Variants in SHROOM3 observed in about 807,000 individuals in gnomAD.
SHROOM3 encodes the protein shroom family member 3.
In SHROOM3, 47 loss-of-function variants were observed where a neutral mutation model predicts 138.6. The observed-to-expected ratio is 0.34, with a 90% CI of 0.27 to 0.43. The LOEUF (loss-of-function observed/expected upper bound fraction) is 0.43, where lower values mean the gene tolerates loss of function less well. Among genes scored for constraint, SHROOM3 ranks in the 20% least tolerant of loss-of-function variants. The pLI is 1.00. For missense variants in SHROOM3, 2,491 were observed against 2,596.5 expected (o/e 0.96, Z 0.88); for synonymous variants, 1,062 against 1,063.3 (o/e 1.00, Z 0.02).
intron 4 of SHROOM3, among the ~76,000 whole-genome samples, chr4:76,738,473 CA>C (rs1410770943): frequency 1.3e-5 from 2 of 152,164 alleles, no homozygotes; most frequent in Admixed American, 1.3e-4. Flanking sequence ...CAAATCACAT[CA>C]AAGTGCTGCC....
chr4:76,545,093 CT>C (rs900338107), intron 1 of SHROOM3, among the ~76,000 whole-genome samples: 56 of 149,894 alleles, frequency 3.7e-4, no homozygotes, highest in Non-Finnish European at 6.4e-4. Flanking sequence ...TTCTTTTTTT[CT>C]TTTTTTTTTC....
intron 2 of SHROOM3, among the ~76,000 whole-genome samples, chr4:76,696,889 A>C (rs2110110803): frequency 6.6e-6 from 1 of 152,240 alleles, no homozygotes; most frequent in South Asian, 2.1e-4. Context: ...TCAAGGTTCA[A>C]GATGAAAACA....
intron 1 of SHROOM3, among the ~76,000 whole-genome samples, chr4:76,518,857 A>G (rs1442030780): frequency 6.6e-6 from 1 of 152,218 alleles, no homozygotes; most frequent in African/African-American, 2.4e-5. Flanking sequence ...AAAAGAAGAT[A>G]TTTATTGAAC....
At chr4:76,550,895 A>G (rs891173418) in intron 1 of SHROOM3, among the ~76,000 whole-genome samples, 2 of 151,414 alleles carry the variant, frequency 1.3e-5, no homozygotes, top group Non-Finnish European at 2.9e-5. Flanking sequence ...GCTACTGAGG[A>G]GGCTGAGGTG....
At chr4:76,573,281 A>G (rs1733867338) in intron 2 of SHROOM3, among the ~76,000 whole-genome samples, 1 of 151,310 alleles carries the variant, frequency 6.6e-6, no homozygotes, top group Non-Finnish European at 1.5e-5. Context: ...CAAAGTAGGT[A>G]CCCAATTTTA....
chr4:76,722,536 G>C (rs1040976130), intron 3 of SHROOM3, among the ~76,000 whole-genome samples: 18 of 152,134 alleles, frequency 1.2e-4, no homozygotes, highest in African/African-American at 3.9e-4. Context: ...GAGAAGATCA[G>C]AAAACATAAC....
chr4:76,667,634 A>G (rs1339381958), intron 2 of SHROOM3, among the ~76,000 whole-genome samples: 1 of 151,954 alleles, frequency 6.6e-6, no homozygotes, highest in Non-Finnish European at 1.5e-5. Flanking sequence ...TCTTTACAAC[A>G]ATTTGTTTAA....
intron 2 of SHROOM3, among the ~76,000 whole-genome samples, chr4:76,678,698 T>C (rs1472870186): frequency 6.6e-6 from 1 of 152,204 alleles, no homozygotes; most frequent in Non-Finnish European, 1.5e-5. Context: ...CTTGCTTTTG[T>C]TCCTCAGGCT....
chr4:76,555,428 G>A (rs980796436), intron 1 of SHROOM3, among the ~76,000 whole-genome samples, 181 bp from the exon 2 acceptor site: 2 of 152,196 alleles, frequency 1.3e-5, no homozygotes, highest in Non-Finnish European at 1.5e-5. Context: ...TCTTGAGGGT[G>A]TGGACACCCA....
intron 5 of SHROOM3, among the ~76,000 whole-genome samples, chr4:76,746,781 CATTATTATTATTATTATT>C (rs199823641): frequency 0.033 from 4,639 of 140,564 alleles, 232 homozygotes; most frequent in African/African-American, 0.11. Context: ...TTTAGATTTA[CATTATTATTATTATTATT>C]ATTATTATTA....
chr4:76,730,673 GT>G, intron 3 of SHROOM3, 130 bp from the exon 4 acceptor site: 2 of 1,133,912 alleles, frequency 1.8e-6, no homozygotes, highest in South Asian at 1.3e-5. Context: ...CTTCTTCTCA[GT>G]ATTGACTTGG....
At chr4:76,606,713 T>C (rs1039755037) in intron 2 of SHROOM3, among the ~76,000 whole-genome samples, 2 of 151,964 alleles carry the variant, frequency 1.3e-5, no homozygotes, top group East Asian at 3.9e-4. Flanking sequence ...AAAAAATAAA[T>C]ACATACATAC....
At chr4:76,635,616 C>T (rs944879778) in intron 2 of SHROOM3, among the ~76,000 whole-genome samples, 3 of 152,196 alleles carry the variant, frequency 2.0e-5, no homozygotes, top group African/African-American at 7.2e-5. Flanking sequence ...TGAAAGGCCT[C>T]TGGAGAAATG....
At chr4:76,716,362 T>C in intron 3 of SHROOM3, 1 of 518,964 alleles carries the variant, frequency 1.9e-6, no homozygotes, top group South Asian at 1.4e-5. Context: ...GAATATGACA[T>C]CCAATTGGCC....
intron 1 of SHROOM3, among the ~76,000 whole-genome samples, chr4:76,476,112 A>G (rs1731480137): frequency 6.6e-6 from 1 of 152,224 alleles, no homozygotes. Flanking sequence ...TGCCAGCAGA[A>G]TATGTCTATG....
chr4:76,529,277 A>G (rs1438403828), intron 1 of SHROOM3, among the ~76,000 whole-genome samples: 1 of 151,228 alleles, frequency 6.6e-6, no homozygotes, highest in Non-Finnish European at 1.5e-5. Context: ...GTAGTCACTT[A>G]TGTTGGCTTA....
At chr4:76,776,261 CT>C (rs1722565541) in intron 10 of SHROOM3, among the ~76,000 whole-genome samples, 1 of 152,158 alleles carries the variant, frequency 6.6e-6, no homozygotes, top group Non-Finnish European at 1.5e-5. Context: ...TGTCCATCTT[CT>C]TTTGAGAATT....
chr4:76,597,867 C>G (rs115016197), intron 2 of SHROOM3, among the ~76,000 whole-genome samples: 2 of 152,238 alleles, frequency 1.3e-5, no homozygotes, highest in African/African-American at 4.8e-5. Context: ...GCTAAGACAG[C>G]AAGAGTCAGT....
chr4:76,686,236 T>C (rs541606350), intron 2 of SHROOM3, among the ~76,000 whole-genome samples: 1 of 152,154 alleles, frequency 6.6e-6, no homozygotes, highest in South Asian at 2.1e-4. Context: ...CCCAGACTGG[T>C]CTTGAGCAAT....
Sources: allele counts gnomAD v4.1 joint callset (sites outside exome capture counted in the v4.1 genomes callset), GRCh38; gene constraint gnomAD v4.1.1; transcripts MANE v1.5; gene names NCBI Gene and HGNC (gene_info 2026-07-23, HGNC 2026-07-21).